PDE4D: variants seen among roughly 807,000 people sequenced by gnomAD.
PDE4D encodes 3',5'-cyclic-AMP phosphodiesterase 4D.
PDE4D carries 24 observed loss-of-function variants against 87.4 expected under a neutral mutation model. That is an observed-to-expected ratio of 0.27 (90% confidence interval 0.20 to 0.39). PDE4D has a LOEUF of 0.39. Ranked by LOEUF, PDE4D falls within the 10% of genes least tolerant of loss-of-function variation. The pLI, the probability that PDE4D is intolerant of heterozygous loss-of-function variation, is 1.00. For synonymous variants in PDE4D, 384 were observed against 383.2 expected (o/e 1.00, Z -0.02); for missense variants, 714 against 1,041.0 (o/e 0.69, Z 4.32).
chr5:60,272,240 A>G (rs73104747), intron 1 of PDE4D, among the ~76,000 whole-genome samples: 1 of 152,358 alleles, frequency 6.6e-6, no homozygotes, highest in African/African-American at 2.4e-5. Context: ...GAACATGGTA[A>G]AACTAAGATG....
intron 1 of PDE4D, among the ~76,000 whole-genome samples, chr5:59,834,295 TA>T (rs1245350348): frequency 6.6e-6 from 1 of 152,042 alleles, no homozygotes; most frequent in Non-Finnish European, 1.5e-5. Flanking sequence ...CCTCCCATCT[TA>T]CCCATCGAAA....
chr5:59,539,727 C>A (rs1432547071), intron 1 of PDE4D, among the ~76,000 whole-genome samples: 1 of 152,046 alleles, frequency 6.6e-6, no homozygotes, highest in East Asian at 1.9e-4. Context: ...TCTCTGCTTA[C>A]CTCTTAATTT....
chr5:59,877,775 C>T (rs1237221930), intron 1 of PDE4D, among the ~76,000 whole-genome samples: 6 of 151,858 alleles, frequency 4.0e-5, no homozygotes, highest in African/African-American at 7.3e-5. Context: ...GCCAAGATCG[C>T]GCCACTGCAC....
chr5:59,109,772 G>T (rs961949932), intron 5 of PDE4D, among the ~76,000 whole-genome samples: 7 of 152,126 alleles, frequency 4.6e-5, no homozygotes, highest in Non-Finnish European at 7.4e-5. Flanking sequence ...TCTTTCAGGG[G>T]CAAATTATGA....
intron 2 of PDE4D, among the ~76,000 whole-genome samples, chr5:60,037,112 T>C (rs1767896409): frequency 6.6e-6 from 1 of 152,164 alleles, no homozygotes; most frequent in Non-Finnish European, 1.5e-5. Context: ...TGGTTTTTCA[T>C]CACAGAACAA....
intron 2 of PDE4D, among the ~76,000 whole-genome samples, chr5:60,032,260 G>A (rs571255903): frequency 2.6e-4 from 40 of 152,208 alleles, no homozygotes; most frequent in African/African-American, 9.1e-4. Context: ...TATAAATCTC[G>A]TCCCCTTTAG....
intron 1 of PDE4D, among the ~76,000 whole-genome samples, chr5:59,509,906 A>G (rs1240319154): frequency 2.0e-5 from 3 of 147,410 alleles, no homozygotes; most frequent in South Asian, 2.1e-4. Flanking sequence ...TATAAATTAT[A>G]TAAACTTATA....
chr5:59,420,145 T>G (rs1302787424), intron 1 of PDE4D, among the ~76,000 whole-genome samples: 2 of 152,212 alleles, frequency 1.3e-5, no homozygotes, highest in Non-Finnish European at 2.9e-5. Context: ...ACTGAATTGC[T>G]CTTTTACAGT....
intron 6 of PDE4D, among the ~76,000 whole-genome samples, chr5:58,994,978 T>G (rs1176215772): frequency 7.1e-6 from 1 of 140,002 alleles, no homozygotes; most frequent in Non-Finnish European, 1.5e-5. Flanking sequence ...GTGTTCTCAT[T>G]GTTCAATTCC....
chr5:59,616,751 A>C (rs1350554932), intron 1 of PDE4D, among the ~76,000 whole-genome samples: 4 of 151,448 alleles, frequency 2.6e-5, no homozygotes, highest in African/African-American at 9.7e-5. Flanking sequence ...TTTTGGTATA[A>C]AGTTGCTCCC....
chr5:60,044,186 G>C (rs777213378), intron 2 of PDE4D, among the ~76,000 whole-genome samples: 1 of 151,908 alleles, frequency 6.6e-6, no homozygotes, highest in Non-Finnish European at 1.5e-5. Context: ...CATGATAAAT[G>C]CCTGAGGTGA....
chr5:59,620,926 T>TA (rs1424091328), intron 1 of PDE4D, among the ~76,000 whole-genome samples: 7 of 152,084 alleles, frequency 4.6e-5, no homozygotes, highest in African/African-American at 1.7e-4. Flanking sequence ...TGGTTTATTA[T>TA]AAAAAGATAA....
intron 3 of PDE4D, among the ~76,000 whole-genome samples, chr5:59,922,860 G>C (rs1424161504): frequency 6.6e-6 from 1 of 152,000 alleles, no homozygotes; most frequent in Non-Finnish European, 1.5e-5. Context: ...TTTTAGCTTA[G>C]GCTCCAGCTC....
chr5:60,449,493 T>C (rs1465665193), intron 1 of PDE4D, among the ~76,000 whole-genome samples: 1 of 67,874 alleles, frequency 1.5e-5, no homozygotes, highest in East Asian at 4.7e-4. Flanking sequence ...GGGACTGTTG[T>C]GGGGTGGGGG....
At chr5:60,328,847 T>TTCC (rs1757042753) in intron 1 of PDE4D, among the ~76,000 whole-genome samples, 3 of 149,172 alleles carry the variant, frequency 2.0e-5, no homozygotes, top group Non-Finnish European at 4.5e-5. Flanking sequence ...TTCCCTTTTT[T>TTCC]CCCTGAAAAC....
chr5:59,914,738 G>A (rs945860198), intron 3 of PDE4D, among the ~76,000 whole-genome samples: 17 of 152,006 alleles, frequency 1.1e-4, no homozygotes, highest in African/African-American at 4.1e-4. Context: ...TGGCAAGTGT[G>A]GAGATACATA....
chr5:59,530,425 A>T (rs992928156), intron 1 of PDE4D, among the ~76,000 whole-genome samples: 2 of 152,166 alleles, frequency 1.3e-5, no homozygotes, highest in Non-Finnish European at 2.9e-5. Context: ...TGGATGCTCA[A>T]GTTCCTTATA....
intron 1 of PDE4D, among the ~76,000 whole-genome samples, chr5:60,347,721 C>T (rs1429510475): frequency 1.3e-5 from 2 of 152,128 alleles, no homozygotes; most frequent in African/African-American, 4.8e-5. Flanking sequence ...AGCTGCTATC[C>T]CGATAGCTTC....
chr5:59,975,774 T>C (rs1359509720), intron 3 of PDE4D, among the ~76,000 whole-genome samples: 1 of 152,206 alleles, frequency 6.6e-6, no homozygotes, highest in African/African-American at 2.4e-5. Context: ...GTTTTAGCAG[T>C]TTTTATTTAG....
Sources: gnomAD v4.1 joint callset for allele counts (sites outside exome capture counted in the v4.1 genomes callset) on GRCh38, gnomAD v4.1.1 for gene constraint, MANE v1.5 for transcripts, NCBI Gene and HGNC (gene_info 2026-07-23, HGNC 2026-07-21) for gene names.